Variants in TP53BP2 observed in about 807,000 individuals in gnomAD.
TP53BP2 encodes tumor protein p53 binding protein 2.
In TP53BP2, 62 loss-of-function variants were observed where a neutral mutation model predicts 126.2. That is an observed-to-expected ratio of 0.49 (90% CI 0.40 to 0.61). The LOEUF is 0.61. TP53BP2 is among the 20% of genes least tolerant of loss of function. The pLI, the probability that TP53BP2 is intolerant of heterozygous loss-of-function variation, is 0.00. For synonymous variants in TP53BP2, 485 were observed against 502.9 expected, an observed-to-expected ratio of 0.96 and a Z score of 0.48; for missense variants, 1,215 against 1,402.8, an observed-to-expected ratio of 0.87 and a Z score of 2.14.
At chr1:223,842,995 C>T (rs1664152842) in intron 1 of TP53BP2, among the ~76,000 whole-genome samples, 1 of 152,152 alleles carries the variant, frequency 6.6e-6, no homozygotes, top group South Asian at 2.1e-4. Context: ...AATCCCATTT[C>T]TGCAGTACCC....
At chr1:223,797,617 G>C (rs1662370605) in intron 12 of TP53BP2, among the ~76,000 whole-genome samples, 1 of 151,986 alleles carries the variant, frequency 6.6e-6, no homozygotes, top group African/African-American at 2.4e-5. Flanking sequence ...CTCCATGTTG[G>C]TCAGGCTGGT....
intron 6 of TP53BP2, among the ~76,000 whole-genome samples, chr1:223,803,966 T>C (rs1007600233): frequency 6.6e-6 from 1 of 152,208 alleles, no homozygotes; most frequent in African/African-American, 2.4e-5. Context: ...CAGTAAATTA[T>C]ATTTTTTCAA....
rs747994421 is a variant in TP53BP2, at chr1:223,796,173, C to T, written c.2366G>A (p.Ser789Asn). The change falls in exon 13 of 18, where the codon AGC (serine) becomes AAC (asparagine). Residue 789 changes from serine (S) to asparagine (N), a missense_variant. By Grantham distance (46) the Ser-to-Asn change is conservative. Transcript: ENST00000343537. This position sits in a 1 kb window ranked among gnomAD's most constrained non-coding sequence, Gnocchi z 4.2. The stretch of plus-strand genomic sequence containing the variant: ...ATATGGATTCTGGATTTCTACTGGG[C>T]TTTCTGAGCTGGCAGTCACAGAAGC... ...KSASVTASSE[S>N]PVEIQNPYLH... 1.9e-6 allele frequency: 3 copies of T among 1,614,054 alleles called. No homozygotes were observed. In the African/African-American group the frequency reaches 4.0e-5, roughly 22 times the overall value.
At chr1:223,786,581 C>CATGT (rs1553258004) in intron 16 of TP53BP2, among the ~76,000 whole-genome samples, 8 of 144,500 alleles carry the variant, frequency 5.5e-5, no homozygotes, top group African/African-American at 2.1e-4. Context: ...TGCGTGTGTG[C>CATGT]GTGTGTGTGT....
Position 223,798,303 on chromosome 1 carries a change from C to A in TP53BP2, c.1860G>T (p.Thr620=). The change falls in exon 12 of 18, where the codon ACG becomes ACT. Residue 620 remains threonine (T), a synonymous_variant. Coordinates refer to ENST00000343537, the MANE Select transcript of TP53BP2 (RefSeq NM_001031685.3). ...VAASSIYSMY[T]QQQAPGKNFQ... is the part of the protein sequence containing the mutation. ...AGTTTTTTCCTGGCGCCTGCTGTTG[C>A]GTATACATGGAATATATTGAACTTG... 6.2e-7 allele frequency: 1 copy of A among 1,614,074 alleles called. No homozygotes were observed. The highest frequency in any genetic ancestry group is 2.2e-5 in the East Asian group (1 of 44,876).
chr1:223,822,701 A>G (rs1374114254), intron 1 of TP53BP2, among the ~76,000 whole-genome samples: 1 of 151,884 alleles, frequency 6.6e-6, no homozygotes, highest in African/African-American at 2.4e-5. Context: ...AATCTTGACA[A>G]TCTTTCTCCT....
Position 223,793,302 on chromosome 1 carries a change from C to A in TP53BP2, c.2862+1G>T. ...AAAAAATTTACTAATTATAATCATA[C>A]CTCATAAATAATTCTCTGTACAAGG... On this transcript the variant is annotated splice_donor_variant, in intron 14 of 17. Coordinates refer to ENST00000343537, the MANE Select transcript of TP53BP2 (RefSeq NM_001031685.3). LOFTEE classifies it high-confidence loss of function. 6.3e-7 allele frequency: 1 copy of A among 1,580,868 alleles called. No homozygotes were observed. Among genetic ancestry groups the A allele is most frequent in the South Asian group, 1.2e-5 (1 of 83,512 alleles).
chr1:223,833,144 C>T (rs1385025519), intron 1 of TP53BP2, among the ~76,000 whole-genome samples: 1 of 152,200 alleles, frequency 6.6e-6, no homozygotes, highest in Non-Finnish European at 1.5e-5. Context: ...TAAAAATATT[C>T]ACCAATTACC....
rs10543436 is a variant in TP53BP2 at position 223,831,480 on chromosome 1, A to AATAT, written c.28-10117_28-10114dup. On this transcript the variant is annotated intron_variant, in intron 1 of 17. Coordinates refer to ENST00000343537, the MANE Select transcript of TP53BP2 (RefSeq NM_001031685.3). ...TATGTACCATCTAAAAAAAAAAAAA[A>AATAT]ATATATATATATATATATATATATA... 8.8e-3 allele frequency among the ~76,000 whole-genome samples: 283 copies of AATAT among 32,254 alleles called. 3 individuals carry two copies. The highest frequency in any genetic ancestry group is 0.018 in the South Asian group (13 of 742). 21.2% of individuals were successfully genotyped at this position (32,254 alleles called of 152,430 possible). A position where few individuals can be genotyped will look rare whatever the true frequency, so the allele number is the denominator to read the frequency against.
chr1:223,837,495 T>A (rs1229818780), intron 1 of TP53BP2, among the ~76,000 whole-genome samples: 1 of 152,174 alleles, frequency 6.6e-6, no homozygotes, highest in Non-Finnish European at 1.5e-5. Context: ...TAAGTGCTAC[T>A]GTTTCTCCTC....
At chr1:223,783,287 T>C (rs1335127619) in intron 17 of TP53BP2, among the ~76,000 whole-genome samples, 2 of 152,218 alleles carry the variant, frequency 1.3e-5, no homozygotes, top group East Asian at 1.9e-4. Context: ...GATATCCAGA[T>C]AACAGGTGCT....
chr1:223,802,626 G>A (rs1345694371), intron 8 of TP53BP2, 105 bp downstream of exon 8: 5 of 1,347,996 alleles, frequency 3.7e-6, no homozygotes, highest in East Asian at 4.6e-5. Context: ...TGTTTTCTGA[G>A]GGCACACTGA....
chr1:223,832,791 G>A (rs1028307388), intron 1 of TP53BP2, among the ~76,000 whole-genome samples: 17 of 152,212 alleles, frequency 1.1e-4, no homozygotes, highest in Non-Finnish European at 2.2e-4. Flanking sequence ...GCACTCATGA[G>A]CTTGGCTCCC....
chr1:223,794,489 C>T (rs1022532973), intron 13 of TP53BP2, among the ~76,000 whole-genome samples: 1 of 152,104 alleles, frequency 6.6e-6, no homozygotes, highest in Non-Finnish European at 1.5e-5. Flanking sequence ...TTACTTAAAT[C>T]GAGAAGGAAA....
chr1:223,804,785 A>T (rs942643806), intron 5 of TP53BP2, among the ~76,000 whole-genome samples: 3 of 152,220 alleles, frequency 2.0e-5, no homozygotes, highest in Non-Finnish European at 4.4e-5. Context: ...CAAATTGCAT[A>T]ACCTCACCAA....
intron 2 of TP53BP2, among the ~76,000 whole-genome samples, chr1:223,820,023 T>G (rs1571865541): frequency 6.6e-6 from 1 of 152,218 alleles, no homozygotes; most frequent in Admixed American, 6.5e-5. Flanking sequence ...ATCAGGATGA[T>G]GTAACTGAGA....
At position 223,844,082 on chromosome 1, in the gene TP53BP2, T is replaced by C. The variant is rs1243793302; in HGVS notation, c.27+1572A>G. The stretch of plus-strand genomic sequence containing the variant: ...GATGAAACTGAGGGACAAGTTTTTT[T>C]TAAGTGGCTACGTCACTAAAGGTAG... On this transcript the variant is annotated intron_variant, in intron 1 of 17. Transcript: ENST00000343537. Among the ~76,000 whole-genome samples the C allele has an allele frequency of 2.0e-5, 3 of 152,328 alleles. No individual in the cohort carries two copies. In the East Asian group the frequency reaches 5.8e-4, roughly 29 times the overall value.
At chr1:223,814,627 G>A (rs6604725) in intron 2 of TP53BP2, among the ~76,000 whole-genome samples, 23,722 of 152,076 alleles carry the variant, frequency 0.16, 2,318 homozygotes, top group South Asian at 0.22. Context: ...GCTCCACGCT[G>A]GCCACAGGTG....
At chr1:223,845,347 C>T in intron 1 of TP53BP2, 3 of 779,880 alleles carry the variant, frequency 3.8e-6, no homozygotes, top group Non-Finnish European at 4.7e-6. Flanking sequence ...AAGTCAAGAC[C>T]CAGTGAAAGA....
Sources: gnomAD v4.1 joint callset for allele counts (sites outside exome capture counted in the v4.1 genomes callset) on GRCh38, gnomAD v4.1.1 for gene constraint, Gnocchi (gnomAD v3.1) non-coding constraint, MANE v1.5 for transcripts, NCBI Gene and HGNC (gene_info 2026-07-23, HGNC 2026-07-21) for gene names.